ACER2: variants seen among roughly 807,000 people sequenced by gnomAD.
ACER2 encodes alkaline ceramidase 2.
Under a neutral mutation model 34.7 loss-of-function variants are expected in ACER2, and 26 were observed. The ratio of observed to expected loss-of-function variants is 0.75; its 90% CI spans 0.55 to 1.04. The LOEUF (loss-of-function observed/expected upper bound fraction) is 1.04. Among genes scored for constraint, ACER2 ranks in the 50% least tolerant of loss-of-function variants. The pLI is 0.00. For missense variants in ACER2, 352 were observed against 340.8 expected, an observed-to-expected ratio of 1.03 and a Z score of -0.26; for synonymous variants, 138 against 132.1, an observed-to-expected ratio of 1.04 and a Z score of -0.31.
intron 3 of ACER2, among the ~76,000 whole-genome samples, chr9:19,427,292 T>C (rs1830600301): frequency 6.6e-6 from 1 of 152,236 alleles, no homozygotes; most frequent in Non-Finnish European, 1.5e-5. Context: ...GAGATATGCA[T>C]ACAAATCGAT....
intron 3 of ACER2, among the ~76,000 whole-genome samples, chr9:19,425,720 A>G (rs1830538876): frequency 6.6e-6 from 1 of 152,202 alleles, no homozygotes; most frequent in Admixed American, 6.5e-5. Context: ...GTTTGTTACT[A>G]TCTAGAGGCA....
intron 3 of ACER2, among the ~76,000 whole-genome samples, chr9:19,433,221 A>G (rs1234405954): frequency 1.5e-5 from 2 of 131,150 alleles, no homozygotes; most frequent in Non-Finnish European, 3.1e-5. Flanking sequence ...TGGCAGGGTC[A>G]TAGGACAATA....
rs55690063 is a variant in ACER2, at chr9:19,439,344, CTT to C, written c.503+4272_503+4273del. ...GCTGCTCCCTCTCTAAAGGGGCTTG[CTT>C]TTTTTTTTTTTGGAGACGTAGTCTC... On this transcript the variant is annotated intron_variant, in intron 4 of 5. Coordinates refer to ENST00000340967, the MANE Select transcript of ACER2 (RefSeq NM_001010887.3). Among the ~76,000 whole-genome samples the C allele has an allele frequency of 9.4e-5, 13 of 138,708 alleles. 1 individual carries two copies. Among genetic ancestry groups the C allele is most frequent in the African/African-American group, 1.1e-4 (4 of 37,656 alleles). The allele number at this position is 138,708 out of a possible 152,430, so 91.0% of individuals were successfully genotyped here.
intron 1 of ACER2, among the ~76,000 whole-genome samples, chr9:19,417,179 C>T (rs376090832): frequency 1.3e-5 from 2 of 152,088 alleles, no homozygotes; most frequent in East Asian, 1.9e-4. Flanking sequence ...ATATGAAGGA[C>T]CTCTTCAAGG....
intron 1 of ACER2, among the ~76,000 whole-genome samples, chr9:19,416,382 T>C (rs1445842686): frequency 6.6e-6 from 1 of 152,068 alleles, no homozygotes; most frequent in East Asian, 1.9e-4. Context: ...TTGAATGAGT[T>C]GGGGTTGAAA....
intron 4 of ACER2, among the ~76,000 whole-genome samples, chr9:19,439,064 C>G (rs1831060456): frequency 6.6e-6 from 1 of 152,192 alleles, no homozygotes; most frequent in Non-Finnish European, 1.5e-5. Context: ...GTGATCTTTA[C>G]ATAAGGAAAT....
intron 1 of ACER2, among the ~76,000 whole-genome samples, chr9:19,411,427 C>T (rs530393691): frequency 7.2e-4 from 110 of 152,250 alleles, no homozygotes; most frequent in Admixed American, 2.9e-3. Context: ...TGCTCTGTTC[C>T]AGGCTTGAGT....
At position 19,416,060 on chromosome 9, in the gene ACER2, CT is replaced by C. The variant is rs10645109; in HGVS notation, c.108+6882del. 6.7e-3 allele frequency among the ~76,000 whole-genome samples: 968 copies of C among 144,816 alleles called. 5 individuals are homozygous for C. The highest frequency in any genetic ancestry group is 0.016 in the African/African-American group (641 of 39,438). ...AGAGGCTAGAAAGGAAACTTTATTC[CT>C]TTTTTTTTTTTTTACAAGAACACAT... is the stretch of plus-strand genomic sequence containing the variant. On this transcript the variant is annotated intron_variant, in intron 1 of 5. Coordinates refer to ENST00000340967, the MANE Select transcript of ACER2 (RefSeq NM_001010887.3).
In ACER2 at chr9:19,409,335, C is replaced by T. The variant is rs921455063; in HGVS notation, c.108+143C>T. The T allele has an allele frequency of 7.0e-6, 5 of 715,554 alleles. No individual in the cohort carries two copies. In the African/African-American group the frequency reaches 9.0e-5, roughly 13 times the overall value. The allele number at this position is 715,554 out of a possible 1,614,324, so 44.3% of individuals were successfully genotyped here. Reference sequence around the variant, plus strand: ...GGGCTGAGTCAGTCCACACCCCCTCCTCGGCGCGCTCCTTTCAGTTCTCCA... The same window carrying T: ...GGGCTGAGTCAGTCCACACCCCCTCTTCGGCGCGCTCCTTTCAGTTCTCCA... On this transcript the variant is annotated intron_variant, in intron 1 of 5. Coordinates refer to ENST00000340967, the MANE Select transcript of ACER2 (RefSeq NM_001010887.3).
intron 4 of ACER2, among the ~76,000 whole-genome samples, chr9:19,440,942 G>A (rs191476363): frequency 1.5e-3 from 223 of 152,082 alleles, no homozygotes; most frequent in Middle Eastern, 3.4e-3. Context: ...CATATTTCAA[G>A]TTGCAGAAAA....
Position 19,424,729 on chromosome 9 carries a change from C to G in ACER2, c.253C>G (p.Leu85Val). 1 of 1,613,966 alleles carries G rather than the reference C, an allele frequency of 6.2e-7. No homozygotes were observed. ...GIGSVYFHAT[L>V]SFLGQMLDEL... ...TGGATCCGTCTACTTCCATGCAACC[C>G]TTAGTTTCTTGGGTCAGATGCTTGA... Residue 85 changes from leucine (L) to valine (V), a missense_variant, in exon 3 of 6, where the codon CTT (leucine) becomes GTT (valine). Coordinates refer to ENST00000340967, the MANE Select transcript of ACER2 (RefSeq NM_001010887.3).
chr9:19,412,252 T>TA (rs1223758198), intron 1 of ACER2, among the ~76,000 whole-genome samples: 1 of 152,214 alleles, frequency 6.6e-6, no homozygotes, highest in African/African-American at 2.4e-5. Context: ...ATGATCATGG[T>TA]AAAAAATTTA....
chr9:19,417,182 C>T (rs998448649), intron 1 of ACER2, among the ~76,000 whole-genome samples: 18 of 152,322 alleles, frequency 1.2e-4, no homozygotes, highest in Non-Finnish European at 2.5e-4. Context: ...TGAAGGACCT[C>T]TTCAAGGAGA....
At chr9:19,441,621 C>T (rs934397103) in intron 4 of ACER2, among the ~76,000 whole-genome samples, 1 of 152,076 alleles carries the variant, frequency 6.6e-6, no homozygotes, top group African/African-American at 2.4e-5. Context: ...ATATGCTGTT[C>T]CAGGACCCTG....
intron 1 of ACER2, among the ~76,000 whole-genome samples, chr9:19,419,448 GGAGA>G (rs1303354898): frequency 6.6e-6 from 1 of 151,938 alleles, no homozygotes; most frequent in African/African-American, 2.4e-5. Flanking sequence ...TATGTGGGAA[GGAGA>G]GAAAGATCCG....
chr9:19,413,199 C>G (rs1830139515), intron 1 of ACER2, among the ~76,000 whole-genome samples: 1 of 152,226 alleles, frequency 6.6e-6, no homozygotes, highest in South Asian at 2.1e-4. Flanking sequence ...AATATCTCTT[C>G]CATGAACATG....
At chr9:19,431,563 C>T (rs1174499917) in intron 3 of ACER2, among the ~76,000 whole-genome samples, 1 of 152,202 alleles carries the variant, frequency 6.6e-6, no homozygotes, top group Non-Finnish European at 1.5e-5. Flanking sequence ...ATTGTGGGTC[C>T]CCAAGGGCCC....
intron 1 of ACER2, among the ~76,000 whole-genome samples, chr9:19,419,587 G>A (rs1449766990): frequency 1.3e-5 from 2 of 152,150 alleles, no homozygotes; most frequent in African/African-American, 4.8e-5. Context: ...CCAACGTGAT[G>A]AAACTCTGTC....
At chr9:19,424,440 G>C (rs1207676401) in intron 2 of ACER2, 1 of 985,274 alleles carries the variant, frequency 1.0e-6, no homozygotes. Flanking sequence ...AAGGCTCAGT[G>C]GATGAAGACA....
Sources: gnomAD v4.1 joint callset for allele counts (sites outside exome capture counted in the v4.1 genomes callset) on GRCh38, gnomAD v4.1.1 for gene constraint, MANE v1.5 for transcripts, NCBI Gene and HGNC (gene_info 2026-07-23, HGNC 2026-07-21) for gene names.